ATG16L2: variants seen among roughly 807,000 people sequenced by gnomAD.
ATG16L2 encodes the protein autophagy related 16 like 2.
Under a neutral mutation model 84.7 loss-of-function variants are expected in ATG16L2, and 77 were observed. That is an observed-to-expected ratio of 0.91 (90% CI 0.76 to 1.10). The LOEUF (loss-of-function observed/expected upper bound fraction) is 1.10, where lower values mean the gene tolerates loss of function less well. ATG16L2 is among the 50% of genes least tolerant of loss of function. The pLI, the probability that ATG16L2 is intolerant of heterozygous loss-of-function variation, is 0.00. For synonymous variants in ATG16L2, 361 were observed against 342.8 expected, an observed-to-expected ratio of 1.05 and a Z score of -0.59; for missense variants, 782 against 817.6, an observed-to-expected ratio of 0.96 and a Z score of 0.53.
chr11:72,826,654 T>G, intron 12 of ATG16L2, 49 bp from the exon 13 acceptor site: 1 of 1,613,902 alleles, frequency 6.2e-7, no homozygotes, highest in Non-Finnish European at 8.5e-7. Flanking sequence ...GGGGGCCTGT[T>G]ATGGGGTCTT....
At chr11:72,837,374 C>G in intron 5 of ATG16L2, 1 of 151,284 alleles carries the variant, frequency 6.6e-6, no homozygotes, top group East Asian at 2.0e-4. Flanking sequence ...GCGAGCATTT[C>G]AAGTTTTTTA....
downstream of ATG16L2, among the ~76,000 whole-genome samples, chr11:72,831,752 T>C (rs1860612330): frequency 6.6e-6 from 1 of 152,108 alleles, no homozygotes. Context: ...TGCCAGGCCC[T>C]GCCCTGCACC....
intron 14 of ATG16L2, among the ~76,000 whole-genome samples, chr11:72,827,848 G>A (rs986307362): frequency 3.9e-5 from 6 of 152,208 alleles, no homozygotes; most frequent in African/African-American, 1.4e-4. Context: ...CAGGGGAATG[G>A]CTTGAACCCG....
At position 72,817,767 on chromosome 11, in the gene ATG16L2, AG is replaced by A. The variant is rs1369457980; in HGVS notation, c.231del (p.Glu77AspfsTer13). 2.5e-6 allele frequency: 4 copies of A among 1,613,616 alleles called. No individual in the cohort carries two copies. The Admixed American group carries it at 6.7e-5, about 27-fold the overall frequency. ...TGATTGGTTGGCAGGGAGGAGTCAG[AG>A]CTTGACTCAGACCAAGTCCCATCAC... is the stretch of plus-strand genomic sequence containing the variant. The part of the protein sequence containing the change: ...TTHQGPWEES[E>X]LDSDQVPSLV... On this transcript the variant is annotated frameshift_variant, in exon 3 of 18. Coordinates refer to ENST00000321297, the MANE Select transcript of ATG16L2 (RefSeq NM_033388.2). LOFTEE classifies it high-confidence loss of function.
At chr11:72,829,025 C>T in intron 17 of ATG16L2, 41 bp downstream of exon 17, 1 of 1,584,046 alleles carries the variant, frequency 6.3e-7, no homozygotes, top group Non-Finnish European at 8.7e-7. Flanking sequence ...TGGCCCCAGT[C>T]CTGCCAGGCT....
At chr11:72,829,718 C>A, downstream of ATG16L2, 1 of 899,290 alleles carries the variant, frequency 1.1e-6, no homozygotes, top group Non-Finnish European at 1.4e-6. Context: ...GCTTGGCCCC[C>A]TTCCTCCTTC....
intron 4 of ATG16L2, 33 bp downstream of exon 4, chr11:72,821,774 C>G (rs1860007909): frequency 2.0e-6 from 3 of 1,524,810 alleles, no homozygotes; most frequent in Non-Finnish European, 2.6e-6. Flanking sequence ...AGGGACCGCG[C>G]CCACCTCAGG....
chr11:72,842,528 A>G, intron 5 of ATG16L2: 1 of 1,499,312 alleles, frequency 6.7e-7, no homozygotes, highest in Admixed American at 1.9e-5. Flanking sequence ...GGTAAGGCAG[A>G]GACTGCAGCC....
chr11:72,823,898 T>A (rs1860167541), intron 7 of ATG16L2, 162 bp from the exon 8 acceptor site: 5 of 822,126 alleles, frequency 6.1e-6, no homozygotes, highest in Non-Finnish European at 1.1e-5. Context: ...CTGGGACTGA[T>A]CTGGGTCACC....
At chr11:72,821,348 G>A in intron 3 of ATG16L2, 2 of 1,168,044 alleles carry the variant, frequency 1.7e-6, no homozygotes, top group Non-Finnish European at 2.1e-6. Context: ...GCTGGGAGCG[G>A]AGCGCTGGCT....
intron 7 of ATG16L2, chr11:72,823,191 TG>T (rs1860117846): frequency 2.1e-6 from 1 of 465,454 alleles, no homozygotes; most frequent in Non-Finnish European, 3.9e-6. Flanking sequence ...CCCTCCTTCT[TG>T]GGATCAGAGC....
chr11:72,843,299 A>G, exon 6 of ATG16L2: 1 of 1,613,978 alleles, frequency 6.2e-7, no homozygotes, highest in African/African-American at 1.3e-5. Context: ...TTTCTGGCAC[A>G]TAACCCACTT....
At chr11:72,825,222 G>A in intron 9 of ATG16L2, 80 bp from the exon 10 acceptor site, 1 of 1,082,646 alleles carries the variant, frequency 9.2e-7, no homozygotes, top group Non-Finnish European at 1.4e-6. Context: ...GTCTGCACAG[G>A]CACCGGTAAG....
intron 1 of ATG16L2, chr11:72,816,458 C>A (rs540233801): frequency 2.3e-4 from 95 of 405,606 alleles, no homozygotes; most frequent in African/African-American, 1.8e-3. Flanking sequence ...CGGGCAGTAC[C>A]CCGCAGTGGT....
chr11:72,823,850 A>C, intron 7 of ATG16L2: 2 of 725,388 alleles, frequency 2.8e-6, no homozygotes, highest in South Asian at 2.8e-5. Flanking sequence ...AGACCTTGGG[A>C]GACTTTCATT....
Position 72,824,836 on chromosome 11 carries a change from T to C in ATG16L2, c.990T>C (p.Asp330=). 6.3e-7 allele frequency: 1 copy of C among 1,589,510 alleles called. No individual in the cohort carries two copies. Among genetic ancestry groups the C allele is most frequent in the Non-Finnish European group, 8.6e-7 (1 of 1,167,590 alleles). The part of the protein sequence containing the change: ...VAARLPTRAQ[D]VLDAHLSEVN... ...CCCGACTTCCTACCCGGGCTCAGGA[T>C]GTGCTGGTAAGGGAGGAGCTGAGCC... Residue 330 remains aspartate (D), a synonymous_variant, in exon 9 of 18, where the codon GAT becomes GAC. Transcript: ENST00000321297.
chr11:72,821,001 G>C (rs1859962429), intron 3 of ATG16L2, among the ~76,000 whole-genome samples: 1 of 152,188 alleles, frequency 6.6e-6, no homozygotes, highest in Admixed American at 6.5e-5. Context: ...GCCTCTCGCT[G>C]CTGAGACCTG....
chr11:72,841,506 G>C (rs1479848074), intron 5 of ATG16L2: 1 of 1,611,362 alleles, frequency 6.2e-7, no homozygotes, highest in Non-Finnish European at 8.5e-7. Flanking sequence ...TATCTGGGCT[G>C]GGGTAGGGGC....
chr11:72,826,815 G>A lies in ATG16L2; in HGVS notation c.1358G>A (p.Arg453His), dbSNP rs368546416. Reference sequence around the variant, plus strand: ...ACAGTGAAGGAGTGGGACCTCGGCCGTGCCTATTGTGAGCCCGAGCCCCAG... The same window carrying A: ...ACAGTGAAGGAGTGGGACCTCGGCCATGCCTATTGTGAGCCCGAGCCCCAG... The part of the protein sequence containing the change: ...DRTVKEWDLG[R>H]AYCSRTINVL... Residue 453 changes from arginine to histidine, a missense_variant, in exon 13 of 18, where the codon CGT (arginine) becomes CAT (histidine). Transcript: ENST00000321297. 31 of 1,613,460 alleles carry A rather than the reference G, an allele frequency of 1.9e-5. No individual in the cohort carries two copies. The highest frequency in any genetic ancestry group is 2.5e-5 in the Non-Finnish European group (29 of 1,179,900).
Sources: gnomAD v4.1 joint callset for allele counts (sites outside exome capture counted in the v4.1 genomes callset) on GRCh38, gnomAD v4.1.1 for gene constraint, MANE v1.5 for transcripts, NCBI Gene and HGNC (gene_info 2026-07-23, HGNC 2026-07-21) for gene names.